Variants in CEP350 observed in about 807,000 individuals in gnomAD.
The protein encoded by CEP350 is centrosomal protein 350.
Under a neutral mutation model 331.8 loss-of-function variants are expected in CEP350, and 126 were observed. The ratio of observed to expected loss-of-function variants is 0.38; its 90% CI spans 0.33 to 0.44. The LOEUF (loss-of-function observed/expected upper bound fraction) is 0.44. CEP350 is among the 20% of genes least tolerant of loss of function. CEP350 has a pLI of 1.00. For synonymous variants in CEP350, 1,200 were observed against 1,259.5 expected, an observed-to-expected ratio of 0.95 and a Z score of 1.00; for missense variants, 3,406 against 3,634.6, an observed-to-expected ratio of 0.94 and a Z score of 1.62.
chr1:180,047,602 CA>C lies in CEP350; in HGVS notation c.4623-924del, dbSNP rs112238652. Reference sequence around the variant, plus strand: ...CGAAGCCCCATCTCTACTAAAAATACAAAAAAAAAATTAGCCAGGTGTTGTG... The same window carrying C: ...CGAAGCCCCATCTCTACTAAAAATACAAAAAAAAATTAGCCAGGTGTTGTG... On this transcript the variant is annotated intron_variant, in intron 21 of 37. Coordinates refer to ENST00000367607, the MANE Select transcript of CEP350 (RefSeq NM_014810.5). Among the ~76,000 whole-genome samples the C allele has an allele frequency of 5.7e-3, 831 of 146,402 alleles. 13 individuals carry two copies. The highest frequency in any genetic ancestry group is 0.019 in the African/African-American group (762 of 40,090).
intron 13 of CEP350, 80 bp downstream of exon 13, chr1:180,022,928 C>A: frequency 7.3e-7 from 1 of 1,361,378 alleles, no homozygotes; most frequent in Non-Finnish European, 1.0e-6. Flanking sequence ...TGAATATTAG[C>A]CAAGTTTTGC....
Position 180,014,249 on chromosome 1 carries a change from A to G in CEP350, c.1796A>G (p.Tyr599Cys). The change falls in exon 10 of 38, where the codon TAC becomes TGC. Residue 599 changes from tyrosine to cysteine, a missense_variant. Tyr to Cys is a radical substitution (Grantham distance 194, BLOSUM62 -2). Around this residue, in one of 5 missense-constraint regions of CEP350, gnomAD observed 1,857 missense variants for 1,909.2 expected, o/e 0.97. Transcript: ENST00000367607. ...TATGACACAGATGAGGTACGACAGTACATTGTTAGGCAGCAGGAGGAAAGG... is the reference window on the plus strand; with the variant it reads ...TATGACACAGATGAGGTACGACAGTGCATTGTTAGGCAGCAGGAGGAAAGG... ...RHYDTDEVRQ[Y>C]IVRQQEERKR... 3 of 1,609,558 alleles carry G rather than the reference A, an allele frequency of 1.9e-6. No individual in the cohort carries two copies. The highest frequency in any genetic ancestry group is 2.5e-6 in the Non-Finnish European group (3 of 1,177,950).
chr1:179,991,562 A>G (rs897248161), intron 4 of CEP350, among the ~76,000 whole-genome samples: 8 of 151,546 alleles, frequency 5.3e-5, no homozygotes, highest in Admixed American at 4.6e-4. Context: ...TGCAGGGATT[A>G]CAGGCGTGAG....
chr1:180,106,917 A>G (rs565510883), intron 37 of CEP350, among the ~76,000 whole-genome samples: 6 of 152,056 alleles, frequency 3.9e-5, no homozygotes, highest in African/African-American at 7.2e-5. Context: ...TTTGGACCCT[A>G]TTACAGAACC....
At chr1:180,084,256 T>A in intron 31 of CEP350, 78 bp downstream of exon 31, 2 of 1,289,092 alleles carry the variant, frequency 1.6e-6, no homozygotes, top group Non-Finnish European at 2.0e-6. Flanking sequence ...ATGTTGTTAA[T>A]AAAGTAATGG....
At chr1:179,993,758 T>C (rs1653268220) in intron 5 of CEP350, among the ~76,000 whole-genome samples, 1 of 152,110 alleles carries the variant, frequency 6.6e-6, no homozygotes, top group South Asian at 2.1e-4. Flanking sequence ...ATTATGTATC[T>C]TTTAAGAAAA....
intron 36 of CEP350, among the ~76,000 whole-genome samples, chr1:180,098,181 G>C (rs1320862675): frequency 2.0e-5 from 3 of 152,102 alleles, no homozygotes; most frequent in African/African-American, 7.2e-5. Flanking sequence ...TGTTGGTCAG[G>C]CTGGTCTCGA....
At position 180,063,538 on chromosome 1, in the gene CEP350, C is replaced by T. The variant is rs144038380; in HGVS notation, c.5409+1172C>T. The stretch of plus-strand genomic sequence containing the variant: ...AAAATGTCAATGTAGGGCTGGGTGC[C>T]GTAACTCAAACACCTGTAATCCCAA... On this transcript the variant is annotated intron_variant, in intron 26 of 37. Coordinates refer to ENST00000367607, the MANE Select transcript of CEP350 (RefSeq NM_014810.5). 6.6e-5 allele frequency among the ~76,000 whole-genome samples: 10 copies of T among 151,860 alleles called. No homozygotes were observed. The East Asian group carries it at 1.4e-3, about 21-fold the overall frequency.
chr1:180,026,829 C>G (rs1370182951), intron 14 of CEP350, among the ~76,000 whole-genome samples: 2 of 152,174 alleles, frequency 1.3e-5, no homozygotes, highest in Non-Finnish European at 2.9e-5. Context: ...GAATAATACT[C>G]CATGCTGTGT....
At chr1:179,973,516 T>A (rs1164567679) in intron 1 of CEP350, among the ~76,000 whole-genome samples, 2 of 152,246 alleles carry the variant, frequency 1.3e-5, no homozygotes, top group Admixed American at 6.5e-5. Context: ...TACTTTTTTT[T>A]AGTGTAATCA....
intron 21 of CEP350, among the ~76,000 whole-genome samples, chr1:180,044,787 C>G (rs1657011098): frequency 6.6e-6 from 1 of 150,478 alleles, no homozygotes; most frequent in South Asian, 2.1e-4. Context: ...TGTAACAAAC[C>G]TGCACATTGT....
intron 32 of CEP350, among the ~76,000 whole-genome samples, 174 bp from the exon 33 acceptor site, chr1:180,090,540 C>T (rs1323347595): frequency 1.6e-4 from 4 of 24,712 alleles, no homozygotes; most frequent in South Asian, 3.6e-3. Context: ...AGCGAGACTC[C>T]GTCTCAAAAA....
intron 17 of CEP350, among the ~76,000 whole-genome samples, chr1:180,038,689 C>A (rs1198059997): frequency 1.3e-5 from 2 of 152,074 alleles, no homozygotes; most frequent in Non-Finnish European, 1.5e-5. Flanking sequence ...AATATCTGTT[C>A]AAATCTTTTA....
chr1:179,961,309 G>A (rs536495824), intron 1 of CEP350, among the ~76,000 whole-genome samples: 42 of 152,106 alleles, frequency 2.8e-4, no homozygotes, highest in African/African-American at 8.2e-4. Context: ...TTAGCTCGGC[G>A]TGGTGGCGCG....
In CEP350 at chr1:180,015,566, G is replaced by A. The variant is rs948418161; in HGVS notation, c.2053-283G>A. ...GTTTATTTTTTGTAGAGACAGGGTC[G>A]CACTGTGTTGCCCACACTGGTCTTG... On this transcript the variant is annotated intron_variant, in intron 10 of 37. Coordinates refer to ENST00000367607, the MANE Select transcript of CEP350 (RefSeq NM_014810.5). Among the ~76,000 whole-genome samples, 3 of 152,036 alleles carry A rather than the reference G, an allele frequency of 2.0e-5. No homozygotes were observed. The East Asian group carries it at 5.8e-4, about 29-fold the overall frequency.
intron 1 of CEP350, chr1:179,968,761 T>C: frequency 1.6e-6 from 1 of 631,302 alleles, no homozygotes; most frequent in Non-Finnish European, 3.0e-6. Flanking sequence ...ACAGTACATC[T>C]ATAAAAGGAA....
rs1330292153 is a variant in CEP350 at position 180,113,355 on chromosome 1, T to C, written c.*2194T>C. 1 of 152,094 alleles carries C rather than the reference T, an allele frequency of 6.6e-6. No homozygotes were observed. The highest frequency in any genetic ancestry group is 1.5e-5 in the Non-Finnish European group (1 of 68,020). 9.4% of individuals were successfully genotyped at this position (152,094 alleles called of 1,614,324 possible). A position where few individuals can be genotyped will look rare whatever the true frequency, so the allele number is the denominator to read the frequency against. On this transcript the variant is annotated 3_prime_UTR_variant, in exon 38 of 38. Transcript: ENST00000367607. ...AGTTTTTAATAAGAAAGTTTATCTT[T>C]ACTCTTTCTGAAATTATGACTCCAG...
chr1:180,047,833 T>A (rs1026220717), intron 21 of CEP350, among the ~76,000 whole-genome samples: 1 of 150,376 alleles, frequency 6.6e-6, no homozygotes, highest in Non-Finnish European at 1.5e-5. Context: ...CAGAAAAATT[T>A]AAAGCAAATG....
chr1:179,974,712 C>T (rs1651721930), intron 1 of CEP350, among the ~76,000 whole-genome samples: 1 of 152,108 alleles, frequency 6.6e-6, no homozygotes, highest in South Asian at 2.1e-4. Flanking sequence ...TGAACAGAGG[C>T]CAACCATGGT....
Sources: allele counts gnomAD v4.1 joint callset (sites outside exome capture counted in the v4.1 genomes callset), GRCh38; gene constraint gnomAD v4.1.1; regional missense constraint gnomAD v4.1.1; transcripts MANE v1.5; gene names NCBI Gene and HGNC (gene_info 2026-07-23, HGNC 2026-07-21).